FOXK1: variants seen among roughly 807,000 people sequenced by gnomAD.
FOXK1 encodes the protein forkhead box protein K1.
A neutral mutation model predicts 51.9 loss-of-function variants in FOXK1; 19 were observed. That is an observed-to-expected ratio of 0.37 (90% CI 0.26 to 0.54). The LOEUF is 0.54. Ranked by LOEUF, FOXK1 falls within the 20% of genes least tolerant of loss-of-function variation. FOXK1 has a pLI of 0.87. For synonymous variants in FOXK1, 537 were observed against 482.6 expected (o/e 1.11, Z -1.48); for missense variants, 870 against 1,032.7 (o/e 0.84, Z 2.16).
chr7:4,718,060 G>T (rs1346826477), intron 1 of FOXK1, among the ~76,000 whole-genome samples: 3 of 152,178 alleles, frequency 2.0e-5, no homozygotes, highest in Non-Finnish European at 2.9e-5. Flanking sequence ...GGGCCCTGTT[G>T]CCCGTGTTCC....
chr7:4,691,024 C>T (rs560472513), intron 1 of FOXK1, among the ~76,000 whole-genome samples: 24 of 152,210 alleles, frequency 1.6e-4, no homozygotes, highest in African/African-American at 4.1e-4. Flanking sequence ...ATTTTCATTG[C>T]GACTATTACT....
At position 4,729,716 on chromosome 7, in the gene FOXK1, G is replaced by A. The variant is rs189068833; in HGVS notation, c.561-11122G>A. ...CTTCAAAAAGAAACCCTGGCCGGGT[G>A]CAGCAGCTCACGCCTGTAATCCCAG... On this transcript the variant is annotated intron_variant, in intron 1 of 8. Transcript: ENST00000328914. The surrounding 1 kb of genome is among the most constrained non-coding windows in gnomAD (Gnocchi z 6.2). 1.7e-4 allele frequency among the ~76,000 whole-genome samples: 26 copies of A among 152,330 alleles called. No individual in the cohort carries two copies. In the East Asian group the frequency reaches 4.6e-3, roughly 27 times the overall value.
chr7:4,689,361 T>C (rs1442880847), intron 1 of FOXK1, among the ~76,000 whole-genome samples: 1 of 152,194 alleles, frequency 6.6e-6, no homozygotes, highest in Non-Finnish European at 1.5e-5. Flanking sequence ...GAGAGGCGTA[T>C]TGTGAGTGGC....
chr7:4,732,652 G>C (rs184917208), intron 1 of FOXK1, among the ~76,000 whole-genome samples: 31 of 152,282 alleles, frequency 2.0e-4, no homozygotes, highest in Middle Eastern at 3.4e-3. Context: ...AGTAACGCAA[G>C]GCTTCAAACA....
rs935464286 is a variant in FOXK1, at chr7:4,707,234, G to C, written c.560+24366G>C. Among the ~76,000 whole-genome samples, 1 of 152,154 alleles carries C rather than the reference G, an allele frequency of 6.6e-6. No individual in the cohort carries two copies. The highest frequency in any genetic ancestry group is 1.5e-5 in the Non-Finnish European group (1 of 68,034). Reference sequence around the variant, plus strand: ...AGAGGGAAGAGGTGCGGGGAGCTCAGGGCGTTCGGGGTGGTGTTCTGGTGG... The same window carrying C: ...AGAGGGAAGAGGTGCGGGGAGCTCACGGCGTTCGGGGTGGTGTTCTGGTGG... On this transcript the variant is annotated intron_variant, in intron 1 of 8. Coordinates refer to ENST00000328914, the MANE Select transcript of FOXK1 (RefSeq NM_001037165.2). This position sits in a 1 kb window ranked among gnomAD's most constrained non-coding sequence, Gnocchi z 4.1.
chr7:4,724,762 G>A (rs369948076), intron 1 of FOXK1, among the ~76,000 whole-genome samples: 6 of 152,178 alleles, frequency 3.9e-5, no homozygotes, highest in African/African-American at 9.7e-5. Flanking sequence ...CCAGTGCCCC[G>A]GTCATTATGT....
At chr7:4,738,078 C>T (rs1403902095) in intron 1 of FOXK1, among the ~76,000 whole-genome samples, 13 of 149,206 alleles carry the variant, frequency 8.7e-5, no homozygotes, top group East Asian at 2.0e-4. Context: ...GCCAAGATTG[C>T]GCCATTGCAC....
chr7:4,757,390 G>C (rs1298369992), intron 5 of FOXK1, among the ~76,000 whole-genome samples: 1 of 152,054 alleles, frequency 6.6e-6, no homozygotes, highest in Non-Finnish European at 1.5e-5. Flanking sequence ...CACTCTGGGA[G>C]GCCGAGGCAA....
intron 2 of FOXK1, among the ~76,000 whole-genome samples, chr7:4,742,555 C>T (rs149483172): frequency 2.0e-5 from 3 of 152,110 alleles, no homozygotes; most frequent in African/African-American, 7.2e-5. Flanking sequence ...TTGCTGGGAC[C>T]ACAGGCATGC....
rs1034016363 is a variant in FOXK1 at position 4,731,692 on chromosome 7, G to A, written c.561-9146G>A. Among the ~76,000 whole-genome samples, 1 of 151,006 alleles carries A rather than the reference G, an allele frequency of 6.6e-6. No individual in the cohort carries two copies. The highest frequency in any genetic ancestry group is 2.4e-5 in the African/African-American group (1 of 40,962). On this transcript the variant is annotated intron_variant, in intron 1 of 8. Coordinates refer to ENST00000328914, the MANE Select transcript of FOXK1 (RefSeq NM_001037165.2). This position sits in a 1 kb window ranked among gnomAD's most constrained non-coding sequence, Gnocchi z 5.3. ...GGAGAATCGCTTGGACCTGGAGGCG[G>A]AGGTTGCAGTGAGCTGAGATTGCAC... is the stretch of plus-strand genomic sequence containing the variant.
In FOXK1 at chr7:4,754,720, G is replaced by C. The variant is rs73305347; in HGVS notation, c.903+105G>C. On this transcript the variant is annotated intron_variant, in intron 3 of 8. Transcript: ENST00000328914. ...GCCCAGGGCCTGCGGGCGTGTGCTCGAGGTGGTCTCAGCCCACAGGGAATG... is the reference window on the plus strand; with the variant it reads ...GCCCAGGGCCTGCGGGCGTGTGCTCCAGGTGGTCTCAGCCCACAGGGAATG... The C allele has an allele frequency of 5.3e-3, 7,318 of 1,380,342 alleles. 324 individuals are homozygous for C. In the African/African-American group the frequency reaches 0.091, roughly 17 times the overall value. 85.5% of individuals were successfully genotyped at this position (1,380,342 alleles called of 1,614,324 possible). A position where few individuals can be genotyped will look rare whatever the true frequency, so the allele number is the denominator to read the frequency against.
intron 2 of FOXK1, among the ~76,000 whole-genome samples, chr7:4,742,423 GT>G (rs1418222345): frequency 6.6e-6 from 1 of 152,036 alleles, no homozygotes; most frequent in Non-Finnish European, 1.5e-5. Flanking sequence ...AAGGGCTTTT[GT>G]TTGTATTTCA....
chr7:4,744,687 G>C lies in FOXK1; in HGVS notation c.746+3664G>C, dbSNP rs180760590. On this transcript the variant is annotated intron_variant, in intron 2 of 8. Transcript: ENST00000328914. Reference sequence around the variant, plus strand: ...CTGGGTGGCGGCCTCCTGTGACTGCGAGTCCCCGTCAGGGGGTGCGAGCAG... The same window carrying C: ...CTGGGTGGCGGCCTCCTGTGACTGCCAGTCCCCGTCAGGGGGTGCGAGCAG... Among the ~76,000 whole-genome samples, 568 of 152,374 alleles carry C rather than the reference G, an allele frequency of 3.7e-3. 3 individuals carry two copies. Among genetic ancestry groups the C allele is most frequent in the African/African-American group, 0.013 (528 of 41,590 alleles).
In FOXK1 at chr7:4,768,662, C is replaced by T. The variant is rs934429172; in HGVS notation, c.*6198C>T. 3.9e-5 allele frequency: 6 copies of T among 152,592 alleles called. No homozygotes were observed. The highest frequency in any genetic ancestry group is 1.4e-4 in the African/African-American group (6 of 41,468). 9.5% of individuals were successfully genotyped at this position (152,592 alleles called of 1,614,324 possible). A position where few individuals can be genotyped will look rare whatever the true frequency, so the allele number is the denominator to read the frequency against. On this transcript the variant is annotated 3_prime_UTR_variant, in exon 9 of 9. Coordinates refer to ENST00000328914, the MANE Select transcript of FOXK1 (RefSeq NM_001037165.2). ...CATGCACCATGAGCAGGGGTGCTAC[C>T]TGGGTGTGTGAAGTTGGGCTGGCTT...
rs917687902 is a variant in FOXK1, at chr7:4,748,826, G to A, written c.747-5633G>A. Among the ~76,000 whole-genome samples, 4 of 152,164 alleles carry A rather than the reference G, an allele frequency of 2.6e-5. No individual in the cohort carries two copies. Among genetic ancestry groups the A allele is most frequent in the African/African-American group, 9.7e-5 (4 of 41,438 alleles). On this transcript the variant is annotated intron_variant, in intron 2 of 8. Transcript: ENST00000328914. The surrounding 1 kb of genome is among the most constrained non-coding windows in gnomAD (Gnocchi z 4.9). The stretch of plus-strand genomic sequence containing the variant: ...CCCGAGTAGTAGGGACTACAGGTGT[G>A]CACCACCATGCCCGGCTAATTTTTG...
Position 4,758,975 on chromosome 7 carries a change from A to T in FOXK1, c.1245-76A>T. ...AGCGTGGGCGGGTGACGGCGCTGAG[A>T]TGCGTGATGTCTCGGAAACGTCCTC... is the stretch of plus-strand genomic sequence containing the variant. On this transcript the variant is annotated intron_variant, in intron 5 of 8. Transcript: ENST00000328914. The surrounding 1 kb of genome is among the most constrained non-coding windows in gnomAD (Gnocchi z 4.4). 6.8e-7 allele frequency: 1 copy of T among 1,466,496 alleles called. No individual in the cohort carries two copies. Among genetic ancestry groups the T allele is most frequent in the South Asian group, 1.3e-5 (1 of 75,514 alleles). The allele number at this position is 1,466,496 out of a possible 1,614,324, so 90.8% of individuals were successfully genotyped here.
In FOXK1 at chr7:4,703,610, GT is replaced by G. The variant is rs2115036266; in HGVS notation, c.560+20747del. Among the ~76,000 whole-genome samples the G allele has an allele frequency of 6.6e-6, 1 of 152,340 alleles. No homozygotes were observed. Among genetic ancestry groups the G allele is most frequent in the African/African-American group, 2.4e-5 (1 of 41,578 alleles). Reference sequence around the variant, plus strand: ...TGGGGACAGAACATCATTAAGAATTGTTTTTATATCTGGCAAAACTAAAAGC... The same window carrying G: ...TGGGGACAGAACATCATTAAGAATTGTTTTATATCTGGCAAAACTAAAAGC... On this transcript the variant is annotated intron_variant, in intron 1 of 8. Coordinates refer to ENST00000328914, the MANE Select transcript of FOXK1 (RefSeq NM_001037165.2). This position sits in a 1 kb window ranked among gnomAD's most constrained non-coding sequence, Gnocchi z 5.6.
intron 2 of FOXK1, 93 bp downstream of exon 2, chr7:4,741,116 T>G: frequency 3.3e-6 from 3 of 916,856 alleles, no homozygotes; most frequent in East Asian, 3.3e-5. Flanking sequence ...TCCAAATCTC[T>G]CTGGAAAGTT....
In FOXK1 at chr7:4,730,197, A is replaced by C. The variant is rs540639023; in HGVS notation, c.561-10641A>C. ...TAAACAAATTAGGCCCTATGAACGCATAAGAACTTATAAACACTAAAACTG... is the reference window on the plus strand; with the variant it reads ...TAAACAAATTAGGCCCTATGAACGCCTAAGAACTTATAAACACTAAAACTG... On this transcript the variant is annotated intron_variant, in intron 1 of 8. Coordinates refer to ENST00000328914, the MANE Select transcript of FOXK1 (RefSeq NM_001037165.2). The surrounding 1 kb of genome is among the most constrained non-coding windows in gnomAD (Gnocchi z 4.7). 1.3e-5 allele frequency among the ~76,000 whole-genome samples: 2 copies of C among 152,224 alleles called. No individual in the cohort carries two copies. The highest frequency in any genetic ancestry group is 3.8e-4 in the East Asian group (2 of 5,200).
Sources: allele counts gnomAD v4.1 joint callset (sites outside exome capture counted in the v4.1 genomes callset), GRCh38; gene constraint gnomAD v4.1.1; non-coding constraint Gnocchi (gnomAD v3.1); transcripts MANE v1.5; gene names NCBI Gene and HGNC (gene_info 2026-07-23, HGNC 2026-07-21).